ZFP91: variants seen among roughly 807,000 people sequenced by gnomAD.
The protein encoded by ZFP91 is ZFP91 zinc finger protein, atypical E3 ubiquitin ligase, also known as E3 ubiquitin-protein ligase ZFP91.
In ZFP91, 7 loss-of-function variants were observed where a neutral mutation model predicts 63.5. The ratio of observed to expected loss-of-function variants is 0.11; its 90% CI spans 0.06 to 0.21. The LOEUF (loss-of-function observed/expected upper bound fraction) is 0.21. ZFP91 is among the 10% of genes least tolerant of loss of function. ZFP91 has a pLI of 1.00. For synonymous variants in ZFP91, 330 were observed against 272.1 expected (o/e 1.21, Z -2.10); for missense variants, 628 against 736.6 (o/e 0.85, Z 1.71).
chr11:58,616,956 TTAGTAGCC>T, intron 10 of ZFP91, 141 bp downstream of exon 10: 1 of 889,222 alleles, frequency 1.1e-6, no homozygotes, highest in Non-Finnish European at 1.7e-6. Context: ...GGGGCATTAG[TTAGTAGCC>T]TTTTTCTTAG....
In ZFP91 at chr11:58,603,448, GA is replaced by G. The variant is rs537611269; in HGVS notation, c.371-6380del. On this transcript the variant is annotated intron_variant, in intron 2 of 10. Transcript: ENST00000316059. ...GAATCAGCCATCTCAGCACTTCCCA[GA>G]ATAGACATGCAATTTTTCAGGAAAG... 2.0e-5 allele frequency among the ~76,000 whole-genome samples: 3 copies of G among 152,302 alleles called. No homozygotes were observed. In the South Asian group the frequency reaches 6.2e-4, roughly 32 times the overall value.
At position 58,580,351 on chromosome 11, in the gene ZFP91, G is replaced by C. The variant is rs1855091670; in HGVS notation, c.341+729G>C. Reference sequence around the variant, plus strand: ...CTGAGAGGAATTCCTTTATTACCTAGACGTAATAGAGGAAACATGAACAGG... The same window carrying C: ...CTGAGAGGAATTCCTTTATTACCTACACGTAATAGAGGAAACATGAACAGG... On this transcript the variant is annotated intron_variant, in intron 1 of 10. Coordinates refer to ENST00000316059, the MANE Select transcript of ZFP91 (RefSeq NM_053023.5). Among the ~76,000 whole-genome samples the C allele has an allele frequency of 2.0e-5, 3 of 152,186 alleles. No homozygotes were observed. In the South Asian group the frequency reaches 6.2e-4, roughly 31 times the overall value.
At chr11:58,612,533 C>CT (rs1260160086) in intron 7 of ZFP91, 5 of 624,532 alleles carry the variant, frequency 8.0e-6, no homozygotes, top group Non-Finnish European at 1.4e-5. Flanking sequence ...AATACTTTAC[C>CT]TTTGGGGGGT....
At chr11:58,616,142 C>T (rs764961351) in intron 9 of ZFP91, among the ~76,000 whole-genome samples, 5 of 152,130 alleles carry the variant, frequency 3.3e-5, no homozygotes, top group Non-Finnish European at 7.4e-5. Context: ...TAAAGTAGTA[C>T]AGGTGTTATT....
intron 9 of ZFP91, among the ~76,000 whole-genome samples, chr11:58,615,307 C>T (rs576349353): frequency 3.7e-4 from 57 of 152,272 alleles, no homozygotes; most frequent in African/African-American, 1.3e-3. Context: ...ACAGTTATTT[C>T]TGTTTCTTGA....
At chr11:58,601,984 T>C (rs879633658) in intron 2 of ZFP91, among the ~76,000 whole-genome samples, 1 of 152,080 alleles carries the variant, frequency 6.6e-6, no homozygotes, top group Non-Finnish European at 1.5e-5. Context: ...TGCAGTGGTG[T>C]GATCTTGGCT....
At chr11:58,582,361 T>C (rs998063279) in intron 1 of ZFP91, among the ~76,000 whole-genome samples, 3 of 152,256 alleles carry the variant, frequency 2.0e-5, no homozygotes, top group African/African-American at 7.2e-5. Flanking sequence ...GAGTCATTTC[T>C]GTTTTCCAAA....
chr11:58,586,582 T>C (rs1363054387), intron 2 of ZFP91, among the ~76,000 whole-genome samples: 3 of 152,170 alleles, frequency 2.0e-5, no homozygotes, highest in Non-Finnish European at 4.4e-5. Flanking sequence ...CCAATCTTCA[T>C]CTCTGTTAGT....
Position 58,579,382 on chromosome 11 carries a change from C to G in ZFP91, c.101C>G (p.Pro34Arg). 1 of 1,482,610 alleles carries G rather than the reference C, an allele frequency of 6.7e-7. No individual in the cohort carries two copies. Among genetic ancestry groups the G allele is most frequent in the African/African-American group, 1.5e-5 (1 of 67,508 alleles). The allele number at this position is 1,482,610 out of a possible 1,614,324, so 91.8% of individuals were successfully genotyped here. Residue 34 changes from proline to arginine, a missense_variant, in exon 1 of 11, where the codon CCT becomes CGT. Pro to Arg is a moderately radical substitution (Grantham distance 103, BLOSUM62 -2). This residue lies in a region of ZFP91 where 437 missense variants were observed against 380.3 expected (regional missense o/e 1.15). Coordinates refer to ENST00000316059, the MANE Select transcript of ZFP91 (RefSeq NM_053023.5). ...AAPEEPQQRP[P>R]EAVAAAPAGT... The stretch of plus-strand genomic sequence containing the variant: ...CCGGAGGAGCCCCAACAACGGCCCC[C>G]TGAGGCGGTCGCGGCGGCGCCTGCA...
Position 58,579,395 on chromosome 11 carries a change from G to T in ZFP91, c.114G>T (p.Ala38=). The change falls in exon 1 of 11, where the codon GCG becomes GCT. Residue 38 remains alanine (A), a synonymous_variant. Transcript: ENST00000316059. ...EPQQRPPEAV[A]AAPAGTTSSR... ...AACAACGGCCCCCTGAGGCGGTCGC[G>T]GCGGCGCCTGCAGGGACCACTAGCA... 1 of 1,473,026 alleles carries T rather than the reference G, an allele frequency of 6.8e-7. No individual in the cohort carries two copies. The allele number at this position is 1,473,026 out of a possible 1,614,324, so 91.2% of individuals were successfully genotyped here. A position where few individuals can be genotyped will look rare whatever the true frequency, so the allele number is the denominator to read the frequency against.
Position 58,617,145 on chromosome 11 carries a change from C to T in ZFP91, c.1203-51C>T. The stretch of plus-strand genomic sequence containing the variant: ...CTCTAACCCTGATCCTGAATAAGAG[C>T]ACTCTTTATTTCTCTGTTGGATCAG... On this transcript the variant is annotated intron_variant, in intron 10 of 10. Coordinates refer to ENST00000316059, the MANE Select transcript of ZFP91 (RefSeq NM_053023.5). This position sits in a 1 kb window ranked among gnomAD's most constrained non-coding sequence, Gnocchi z 4.2. The T allele has an allele frequency of 6.6e-7, 1 of 1,504,460 alleles. No homozygotes were observed. Among genetic ancestry groups the T allele is most frequent in the Non-Finnish European group, 8.9e-7 (1 of 1,125,408 alleles). The allele number at this position is 1,504,460 out of a possible 1,614,324, so 93.2% of individuals were successfully genotyped here. A position where few individuals can be genotyped will look rare whatever the true frequency, so the allele number is the denominator to read the frequency against.
Position 58,617,883 on chromosome 11 carries a change from C to T in ZFP91, c.*177C>T. On this transcript the variant is annotated 3_prime_UTR_variant, in exon 11 of 11. Transcript: ENST00000316059. The surrounding 1 kb of genome is among the most constrained non-coding windows in gnomAD (Gnocchi z 4.2). ...CCTCCACCTCCCCATCCCCTGTTCT[C>T]CCTCTGTTGCTCCCCTTATAAAATT... 1.3e-6 allele frequency: 1 copy of T among 746,228 alleles called. No individual in the cohort carries two copies. The highest frequency in any genetic ancestry group is 1.9e-6 in the Non-Finnish European group (1 of 538,298). 46.2% of individuals were successfully genotyped at this position (746,228 alleles called of 1,614,324 possible). A position where few individuals can be genotyped will look rare whatever the true frequency, so the allele number is the denominator to read the frequency against.
chr11:58,611,034 C>G lies in ZFP91; in HGVS notation c.702C>G (p.Thr234=), dbSNP rs910859536. The change falls in exon 5 of 11, where the codon ACC becomes ACG. Residue 234 remains threonine (T), a synonymous_variant. Coordinates refer to ENST00000316059, the MANE Select transcript of ZFP91 (RefSeq NM_053023.5). Reference sequence around the variant, plus strand: ...TCAAAGATGATCCAAGAGATGAGACCTACAAACCCCACTTAGAAAGGCATG... The same window carrying G: ...TCAAAGATGATCCAAGAGATGAGACGTACAAACCCCACTTAGAAAGGCATG... ...IPFKDDPRDE[T]YKPHLERETP... The G allele has an allele frequency of 6.2e-7, 1 of 1,612,856 alleles. No homozygotes were observed. Among genetic ancestry groups the G allele is most frequent in the East Asian group, 2.2e-5 (1 of 44,760 alleles).
At chr11:58,594,872 A>C (rs1855370242) in intron 2 of ZFP91, among the ~76,000 whole-genome samples, 1 of 152,210 alleles carries the variant, frequency 6.6e-6, no homozygotes, top group South Asian at 2.1e-4. Flanking sequence ...TTTGAAACAT[A>C]AGGAAATACA....
rs1460928846 is a variant in ZFP91 at position 58,617,570 on chromosome 11, T to C, written c.1577T>C (p.Val526Ala). The change falls in exon 11 of 11, where the codon GTG becomes GCG. Residue 526 changes from valine to alanine, a missense_variant. Physicochemically the swap from Val to Ala is moderately conservative, Grantham distance 64 (BLOSUM62 0). This residue lies in a region of ZFP91 where 115 missense variants were observed against 125.4 expected (regional missense o/e 0.92). Transcript: ENST00000316059. This position sits in a 1 kb window ranked among gnomAD's most constrained non-coding sequence, Gnocchi z 4.2. Reference sequence around the variant, plus strand: ...TCATACTGCAGTGGGACGGAACGGGTGAGCCTGATGGCTGATGGGAAGATC... The same window carrying C: ...TCATACTGCAGTGGGACGGAACGGGCGAGCCTGATGGCTGATGGGAAGATC... Reference protein sequence around the residue: ...SKSYCSGTERVSLMADGKIFV... With the variant: ...SKSYCSGTERASLMADGKIFV... 3 of 1,612,044 alleles carry C rather than the reference T, an allele frequency of 1.9e-6. No individual in the cohort carries two copies. The highest frequency in any genetic ancestry group is 1.1e-5 in the South Asian group (1 of 90,770).
At chr11:58,593,419 C>A (rs1054139681) in intron 2 of ZFP91, among the ~76,000 whole-genome samples, 1 of 152,142 alleles carries the variant, frequency 6.6e-6, no homozygotes, top group East Asian at 1.9e-4. Flanking sequence ...ATTAGTGCTA[C>A]GCTTGTATAT....
At chr11:58,615,929 A>AAT (rs1855742164) in intron 9 of ZFP91, among the ~76,000 whole-genome samples, 1 of 152,212 alleles carries the variant, frequency 6.6e-6, no homozygotes, top group African/African-American at 2.4e-5. Flanking sequence ...TAATTCAACA[A>AAT]ATATATATAG....
chr11:58,592,591 T>C (rs1333711475), intron 2 of ZFP91, among the ~76,000 whole-genome samples: 2 of 152,166 alleles, frequency 1.3e-5, no homozygotes, highest in African/African-American at 2.4e-5. Context: ...AGGATAACAC[T>C]GTATGATCTC....
rs1349224527 is a variant in ZFP91, at chr11:58,579,675, A to G, written c.341+53A>G. The G allele has an allele frequency of 4.1e-6, 6 of 1,452,750 alleles. No homozygotes were observed. In the Admixed American group the frequency reaches 1.0e-4, roughly 24 times the overall value. 90.0% of individuals were successfully genotyped at this position (1,452,750 alleles called of 1,614,324 possible). Reference sequence around the variant, plus strand: ...AAAGACCCCCCTCTGTCCGTACGCAACCCTCTCGGCTCCCGTAGCGCCTAC... The same window carrying G: ...AAAGACCCCCCTCTGTCCGTACGCAGCCCTCTCGGCTCCCGTAGCGCCTAC... On this transcript the variant is annotated intron_variant, in intron 1 of 10. Coordinates refer to ENST00000316059, the MANE Select transcript of ZFP91 (RefSeq NM_053023.5).
Sources: gnomAD v4.1 joint callset for allele counts (sites outside exome capture counted in the v4.1 genomes callset) on GRCh38, gnomAD v4.1.1 for gene constraint, gnomAD v4.1.1 regional missense constraint, Gnocchi (gnomAD v3.1) non-coding constraint, MANE v1.5 for transcripts, NCBI Gene and HGNC (gene_info 2026-07-23, HGNC 2026-07-21) for gene names.